The following CNTNAP5 variants were observed in gnomAD, a reference collection of about 807,000 sequenced individuals.
The protein encoded by CNTNAP5 is contactin-associated protein-like 5.
CNTNAP5 carries 72 observed loss-of-function variants against 150.2 expected under a neutral mutation model. The observed-to-expected ratio is 0.48, with a 90% CI of 0.40 to 0.58. The LOEUF (loss-of-function observed/expected upper bound fraction) is 0.58. Among genes scored for constraint, CNTNAP5 ranks in the 20% least tolerant of loss-of-function variants. The pLI is 0.00. For synonymous variants in CNTNAP5, 672 were observed against 619.8 expected, an observed-to-expected ratio of 1.08 and a Z score of -1.25; for missense variants, 1,636 against 1,626.2, an observed-to-expected ratio of 1.01 and a Z score of -0.10.
chr2:124,209,886 A>C (rs1685963385), intron 1 of CNTNAP5, among the ~76,000 whole-genome samples: 1 of 152,224 alleles, frequency 6.6e-6, no homozygotes, highest in Admixed American at 6.5e-5. Flanking sequence ...CCGTGCAGTA[A>C]GTGCATTGTT....
intron 21 of CNTNAP5, among the ~76,000 whole-genome samples, chr2:124,893,670 G>C (rs1422674295): frequency 6.6e-6 from 1 of 152,016 alleles, no homozygotes; most frequent in Non-Finnish European, 1.5e-5. Context: ...CAGAATGCAG[G>C]AGACTTGGCA....
intron 13 of CNTNAP5, among the ~76,000 whole-genome samples, chr2:124,701,058 C>T (rs527494860): frequency 1.9e-4 from 29 of 152,054 alleles, no homozygotes; most frequent in African/African-American, 5.5e-4. Context: ...ATACACAGTA[C>T]GCTCTTATTA....
rs370983965 is a variant in CNTNAP5, at chr2:124,558,061, G to A, written c.1650-5156G>A. On this transcript the variant is annotated intron_variant, in intron 10 of 23. Coordinates refer to ENST00000682447, the MANE Select transcript of CNTNAP5 (RefSeq NM_001367498.1). ...TAAAATAGGGAGCCAGAGGAGACGCGTTTAAAATGATCTGCCTTAGGTTTT... is the reference window on the plus strand; with the variant it reads ...TAAAATAGGGAGCCAGAGGAGACGCATTTAAAATGATCTGCCTTAGGTTTT... 4.6e-5 allele frequency among the ~76,000 whole-genome samples: 7 copies of A among 152,234 alleles called. No individual in the cohort carries two copies. In the South Asian group the frequency reaches 8.3e-4, roughly 18 times the overall value.
At chr2:124,268,560 C>T (rs746838296) in intron 3 of CNTNAP5, among the ~76,000 whole-genome samples, 1 of 152,184 alleles carries the variant, frequency 6.6e-6, no homozygotes, top group Non-Finnish European at 1.5e-5. Flanking sequence ...AATGATGCTA[C>T]CAAACTTAAA....
chr2:124,505,179 C>T (rs1315475506), intron 8 of CNTNAP5, among the ~76,000 whole-genome samples: 5 of 152,174 alleles, frequency 3.3e-5, no homozygotes, highest in African/African-American at 1.2e-4. Context: ...ATAGAACTCT[C>T]TGCTAGGTTC....
chr2:124,768,584 A>G (rs1235681789), intron 16 of CNTNAP5, among the ~76,000 whole-genome samples: 1 of 152,042 alleles, frequency 6.6e-6, no homozygotes, highest in Non-Finnish European at 1.5e-5. Context: ...CCCATCGATG[A>G]CGATCACTGT....
intron 21 of CNTNAP5, among the ~76,000 whole-genome samples, chr2:124,890,756 A>G (rs1047453231): frequency 2.0e-5 from 3 of 152,104 alleles, no homozygotes; most frequent in Admixed American, 6.6e-5. Context: ...TTAGTGCAGG[A>G]AGGTTGAAGG....
chr2:124,191,487 A>G (rs900907442), intron 1 of CNTNAP5, among the ~76,000 whole-genome samples: 6 of 152,106 alleles, frequency 3.9e-5, no homozygotes, highest in Non-Finnish European at 8.8e-5. Context: ...TCCAAATTAT[A>G]TATTATATAT....
At chr2:124,153,163 T>C (rs1418259975) in intron 1 of CNTNAP5, among the ~76,000 whole-genome samples, 1 of 152,066 alleles carries the variant, frequency 6.6e-6, no homozygotes, top group East Asian at 1.9e-4. Flanking sequence ...TTTCTGAAGA[T>C]AGGAGAAAGG....
At chr2:124,430,283 A>G (rs1372350860) in intron 4 of CNTNAP5, among the ~76,000 whole-genome samples, 1 of 152,152 alleles carries the variant, frequency 6.6e-6, no homozygotes, top group African/African-American at 2.4e-5. Flanking sequence ...CTTGCTCACT[A>G]TATACCTCTT....
At chr2:124,336,665 G>C (rs1244472405) in intron 3 of CNTNAP5, among the ~76,000 whole-genome samples, 1 of 151,264 alleles carries the variant, frequency 6.6e-6, no homozygotes, top group Non-Finnish European at 1.5e-5. Flanking sequence ...GAGAATGATG[G>C]TTTCCAGCTT....
Position 124,920,075 on chromosome 2 carries a change from A to AT in CNTNAP5, c.*5793dup, listed in dbSNP as rs1345046169. Reference sequence around the variant, plus strand: ...CCATCTAACACCATCTGGGAACACTATTTTTTCTCAGTCCTTCCAGTTGAC... The same window carrying AT: ...CCATCTAACACCATCTGGGAACACTATTTTTTTCTCAGTCCTTCCAGTTGAC... On this transcript the variant is annotated 3_prime_UTR_variant, in exon 24 of 24. Coordinates refer to ENST00000682447, the MANE Select transcript of CNTNAP5 (RefSeq NM_001367498.1). Among the ~76,000 whole-genome samples, 2 of 152,038 alleles carry AT rather than the reference A, an allele frequency of 1.3e-5. No homozygotes were observed. The highest frequency in any genetic ancestry group is 4.8e-5 in the African/African-American group (2 of 41,420).
intron 1 of CNTNAP5, among the ~76,000 whole-genome samples, chr2:124,142,018 C>T (rs925923598): frequency 2.7e-5 from 4 of 146,900 alleles, no homozygotes; most frequent in Non-Finnish European, 6.0e-5. Flanking sequence ...GACTTTAAAC[C>T]AACAAAGATC....
chr2:124,514,362 A>G (rs2104875489), intron 8 of CNTNAP5, among the ~76,000 whole-genome samples: 1 of 152,342 alleles, frequency 6.6e-6, no homozygotes, highest in African/African-American at 2.4e-5. Context: ...CTCTCACTCA[A>G]AAGAGGAATT....
chr2:124,895,310 A>G (rs974544275), intron 21 of CNTNAP5, among the ~76,000 whole-genome samples: 7 of 151,500 alleles, frequency 4.6e-5, no homozygotes, highest in East Asian at 1.9e-4. Context: ...TTATTTCCCA[A>G]CTTCTGTGTC....
intron 14 of CNTNAP5, among the ~76,000 whole-genome samples, chr2:124,751,455 A>T (rs1050303979): frequency 1.3e-5 from 2 of 152,232 alleles, no homozygotes; most frequent in African/African-American, 4.8e-5. Flanking sequence ...AAGTATTCAC[A>T]CATGACACCA....
At chr2:124,707,037 AGAAGG>A (rs1347241912) in intron 13 of CNTNAP5, among the ~76,000 whole-genome samples, 1 of 129,238 alleles carries the variant, frequency 7.7e-6, no homozygotes, top group Non-Finnish European at 1.7e-5. Context: ...AAGAAGAAGA[AGAAGG>A]AGGAGGAGGA....
intron 1 of CNTNAP5, among the ~76,000 whole-genome samples, chr2:124,194,585 A>G (rs2104699923): frequency 6.6e-6 from 1 of 151,050 alleles, no homozygotes; most frequent in East Asian, 1.9e-4. Flanking sequence ...CAAACTAGTT[A>G]CTAATCTGTA....
intron 11 of CNTNAP5, among the ~76,000 whole-genome samples, chr2:124,585,211 C>A (rs1016220142): frequency 1.3e-5 from 2 of 152,154 alleles, no homozygotes; most frequent in African/African-American, 4.8e-5. Context: ...CACTCCATTT[C>A]CTTTCAGGTC....
Sources: gnomAD v4.1 joint callset for allele counts (sites outside exome capture counted in the v4.1 genomes callset) on GRCh38, gnomAD v4.1.1 for gene constraint, MANE v1.5 for transcripts, NCBI Gene and HGNC (gene_info 2026-07-23, HGNC 2026-07-21) for gene names.